The following METTL15 variants were observed in gnomAD, a reference collection of about 807,000 sequenced individuals.
METTL15 encodes the protein methyltransferase 15, mitochondrial 12S rRNA N4-cytidine.
Under a neutral mutation model 38.3 loss-of-function variants are expected in METTL15, and 34 were observed. The observed-to-expected ratio is 0.89, with a 90% CI of 0.68 to 1.18. The LOEUF (loss-of-function observed/expected upper bound fraction) is 1.18. Among genes scored for constraint, METTL15 ranks in the 50% most tolerant of loss-of-function variants. The pLI is 0.00. For missense variants in METTL15, 438 were observed against 498.4 expected (o/e 0.88, Z 1.15); for synonymous variants, 162 against 170.9 (o/e 0.95, Z 0.41).
chr11:28,286,895 A>G (rs1236515423), intron 4 of METTL15, among the ~76,000 whole-genome samples: 1 of 151,584 alleles, frequency 6.6e-6, no homozygotes, highest in African/African-American at 2.4e-5. Flanking sequence ...CACACAGACT[A>G]TATATATATG....
At chr11:28,364,699 G>T (rs1396350917) in intron 5 of METTL15, among the ~76,000 whole-genome samples, 1 of 152,114 alleles carries the variant, frequency 6.6e-6, no homozygotes, top group African/African-American at 2.4e-5. Flanking sequence ...CCCTGACTAG[G>T]ACTTCCAGTA....
At chr11:28,432,836 T>C (rs1364685673) in intron 6 of METTL15, among the ~76,000 whole-genome samples, 1 of 152,188 alleles carries the variant, frequency 6.6e-6, no homozygotes, top group Non-Finnish European at 1.5e-5. Context: ...TTTTATAGCA[T>C]GTCCTTGTTT....
chr11:28,198,302 T>C (rs1851983250), intron 3 of METTL15, among the ~76,000 whole-genome samples: 1 of 152,100 alleles, frequency 6.6e-6, no homozygotes, highest in Non-Finnish European at 1.5e-5. Context: ...TATGATTAAA[T>C]ACATCCTATG....
intron 4 of METTL15, among the ~76,000 whole-genome samples, chr11:28,355,317 C>A (rs1204635876): frequency 6.6e-6 from 1 of 151,982 alleles, no homozygotes; most frequent in Non-Finnish European, 1.5e-5. Flanking sequence ...TTTTCTAGGC[C>A]CAATCAATCC....
chr11:28,254,315 T>C (rs770996854), intron 4 of METTL15, among the ~76,000 whole-genome samples: 3 of 152,204 alleles, frequency 2.0e-5, no homozygotes, highest in Non-Finnish European at 4.4e-5. Context: ...TTGCTGACTT[T>C]TTATATCGGA....
chr11:28,375,705 C>G (rs1160324074), intron 5 of METTL15, among the ~76,000 whole-genome samples: 1 of 152,168 alleles, frequency 6.6e-6, no homozygotes, highest in African/African-American at 2.4e-5. Flanking sequence ...TTGCCTTCTG[C>G]TAGCTTTTGA....
intron 5 of METTL15, among the ~76,000 whole-genome samples, chr11:28,293,610 G>C (rs919811007): frequency 6.6e-6 from 1 of 151,900 alleles, no homozygotes; most frequent in African/African-American, 2.4e-5. Context: ...TTGGTAGCTT[G>C]ATGGGGATGG....
chr11:28,115,290 C>T (rs1264469927), intron 3 of METTL15, among the ~76,000 whole-genome samples: 14 of 148,568 alleles, frequency 9.4e-5, no homozygotes, highest in African/African-American at 3.2e-4. Context: ...TGGAGTTTTG[C>T]TCTTGTTGCC....
intron 4 of METTL15, among the ~76,000 whole-genome samples, chr11:28,227,991 A>G (rs960627881): frequency 6.6e-6 from 1 of 151,960 alleles, no homozygotes; most frequent in Non-Finnish European, 1.5e-5. Flanking sequence ...TTTTGTGTTT[A>G]TAGGTGAAAC....
intron 4 of METTL15, among the ~76,000 whole-genome samples, chr11:28,270,547 A>G (rs910057154): frequency 6.6e-6 from 1 of 152,154 alleles, no homozygotes; most frequent in Non-Finnish European, 1.5e-5. Context: ...AAACAGAACA[A>G]CCAGGGTTAG....
At chr11:28,291,821 C>G (rs1237196092) in intron 5 of METTL15, among the ~76,000 whole-genome samples, 1 of 151,814 alleles carries the variant, frequency 6.6e-6, no homozygotes, top group African/African-American at 2.4e-5. Context: ...GTAGTAAATC[C>G]CATATTGTTA....
intron 5 of METTL15, among the ~76,000 whole-genome samples, chr11:28,396,155 C>A (rs1850566276): frequency 6.6e-6 from 1 of 152,184 alleles, no homozygotes; most frequent in African/African-American, 2.4e-5. Flanking sequence ...TGGGCAAAAA[C>A]TGGAAGCATT....
chr11:28,141,969 C>G (rs564509794), intron 3 of METTL15, among the ~76,000 whole-genome samples: 1 of 152,034 alleles, frequency 6.6e-6, no homozygotes, highest in Non-Finnish European at 1.5e-5. Context: ...TTGGCCTACA[C>G]GGAGGAATGA....
intron 5 of METTL15, among the ~76,000 whole-genome samples, chr11:28,390,847 C>A (rs892178495): frequency 9.2e-5 from 14 of 152,262 alleles, no homozygotes; most frequent in African/African-American, 3.4e-4. Context: ...GATATTGATT[C>A]TTCCTACCCA....
chr11:28,313,668 T>C (rs1469385703), intron 6 of METTL15, among the ~76,000 whole-genome samples: 1 of 152,036 alleles, frequency 6.6e-6, no homozygotes, highest in Non-Finnish European at 1.5e-5. Context: ...TGGATGTATA[T>C]AGTTTTGGAT....
At chr11:28,466,745 G>A (rs530360506) in intron 6 of METTL15, among the ~76,000 whole-genome samples, 5 of 152,220 alleles carry the variant, frequency 3.3e-5, no homozygotes, top group African/African-American at 9.6e-5. Context: ...CTGCTCTGCC[G>A]CAGGCTAGTT....
chr11:28,298,485 G>A (rs1449593343), intron 6 of METTL15, among the ~76,000 whole-genome samples: 1 of 152,090 alleles, frequency 6.6e-6, no homozygotes, highest in Non-Finnish European at 1.5e-5. Flanking sequence ...CTAGAATTCA[G>A]AAGCTCATGA....
chr11:28,288,305 A>G (rs192990384), intron 4 of METTL15, among the ~76,000 whole-genome samples: 34 of 152,292 alleles, frequency 2.2e-4, no homozygotes, highest in African/African-American at 8.2e-4. Context: ...CAGCAATGCC[A>G]CCACTGGGTA....
chr11:28,120,325 C>T (rs1362605135), intron 3 of METTL15, among the ~76,000 whole-genome samples: 2 of 150,662 alleles, frequency 1.3e-5, no homozygotes, highest in African/African-American at 2.4e-5. Context: ...TGTGTTTTCC[C>T]TCTGTTATTT....
Sources: gnomAD v4.1 joint callset for allele counts (sites outside exome capture counted in the v4.1 genomes callset) on GRCh38, gnomAD v4.1.1 for gene constraint, MANE v1.5 for transcripts, NCBI Gene and HGNC (gene_info 2026-07-23, HGNC 2026-07-21) for gene names.